The following DEPTOR variants were observed in gnomAD, a reference collection of about 807,000 sequenced individuals.
The protein encoded by DEPTOR is DEP domain-containing mTOR-interacting protein.
In DEPTOR, 41 loss-of-function variants were observed where a neutral mutation model predicts 41.6. The observed-to-expected ratio is 0.98, with a 90% CI of 0.77 to 1.28. DEPTOR has a LOEUF of 1.28. Among genes scored for constraint, DEPTOR ranks in the 50% most tolerant of loss-of-function variants. The pLI, the probability that DEPTOR is intolerant of heterozygous loss-of-function variation, is 0.00. For synonymous variants in DEPTOR, 195 were observed against 192.3 expected (o/e 1.01, Z -0.12); for missense variants, 514 against 527.9 (o/e 0.97, Z 0.26).
intron 7 of DEPTOR, among the ~76,000 whole-genome samples, chr8:120,008,357 G>A (rs1036852934): frequency 3.3e-5 from 5 of 151,854 alleles, no homozygotes; most frequent in Admixed American, 6.6e-5. Context: ...GTGAAACCCT[G>A]TCTCTACTAA....
At chr8:119,994,155 GA>G (rs1182084426) in intron 4 of DEPTOR, among the ~76,000 whole-genome samples, 8 of 148,776 alleles carry the variant, frequency 5.4e-5, no homozygotes, top group Admixed American at 2.0e-4. Flanking sequence ...AAAAGAAAAA[GA>G]AAAAAAAAAT....
intron 3 of DEPTOR, among the ~76,000 whole-genome samples, chr8:119,936,088 T>C (rs1011500729): frequency 6.6e-6 from 1 of 151,142 alleles, no homozygotes; most frequent in Non-Finnish European, 1.5e-5. Flanking sequence ...CTCTTTATCC[T>C]GCTTAGGAGT....
chr8:119,939,463 A>T (rs966210444), intron 3 of DEPTOR, among the ~76,000 whole-genome samples: 1 of 152,190 alleles, frequency 6.6e-6, no homozygotes, highest in African/African-American at 2.4e-5. Flanking sequence ...AAGTGGTGGG[A>T]GGCAACCTCT....
At chr8:119,988,137 G>T (rs1209921100) in intron 4 of DEPTOR, among the ~76,000 whole-genome samples, 2 of 152,156 alleles carry the variant, frequency 1.3e-5, no homozygotes, top group Admixed American at 6.5e-5. Context: ...AAACCCTGGT[G>T]GTGTAGGCAC....
At chr8:119,918,919 T>C (rs1827853384) in intron 1 of DEPTOR, among the ~76,000 whole-genome samples, 2 of 148,822 alleles carry the variant, frequency 1.3e-5, no homozygotes, top group Admixed American at 1.3e-4. Flanking sequence ...AAGTGGTTAC[T>C]GCAGCTATTT....
At chr8:119,985,878 T>G (rs1407117244) in intron 4 of DEPTOR, among the ~76,000 whole-genome samples, 1 of 130,152 alleles carries the variant, frequency 7.7e-6, no homozygotes, top group African/African-American at 2.8e-5. Context: ...TCCATTTGCT[T>G]GGTAAATATT....
chr8:119,892,010 G>GT (rs1205262961), intron 1 of DEPTOR, among the ~76,000 whole-genome samples: 1 of 151,852 alleles, frequency 6.6e-6, no homozygotes, highest in South Asian at 2.1e-4. Flanking sequence ...GTTTTGTTTT[G>GT]TTTTTTGAGA....
intron 8 of DEPTOR, among the ~76,000 whole-genome samples, chr8:120,046,013 C>T (rs1185063819): frequency 6.6e-6 from 1 of 152,148 alleles, no homozygotes; most frequent in East Asian, 1.9e-4. Flanking sequence ...TCTGAGGCCT[C>T]CAAGAGCTCT....
At chr8:120,025,891 A>G (rs1812789084) in intron 8 of DEPTOR, among the ~76,000 whole-genome samples, 1 of 151,814 alleles carries the variant, frequency 6.6e-6, no homozygotes, top group Non-Finnish European at 1.5e-5. Context: ...CCTTGGCCCA[A>G]ACGGTCCTAC....
intron 1 of DEPTOR, among the ~76,000 whole-genome samples, chr8:119,916,684 A>T (rs1827819497): frequency 6.6e-6 from 1 of 152,202 alleles, no homozygotes; most frequent in Non-Finnish European, 1.5e-5. Flanking sequence ...GGTTCAGTAC[A>T]TGCAAAATCA....
intron 1 of DEPTOR, 55 bp downstream of exon 1, chr8:119,874,023 G>A: frequency 6.2e-7 from 1 of 1,605,760 alleles, no homozygotes; most frequent in Non-Finnish European, 8.5e-7. Flanking sequence ...ACGCGTGCCC[G>A]CTGCAGTCCT....
At chr8:120,010,065 A>C (rs777124416) in intron 8 of DEPTOR, among the ~76,000 whole-genome samples, 17 of 152,136 alleles carry the variant, frequency 1.1e-4, no homozygotes, top group Non-Finnish European at 1.9e-4. Context: ...AAAACCATGA[A>C]CTTTGGCAGA....
chr8:119,874,196 G>T, intron 1 of DEPTOR: 2 of 624,288 alleles, frequency 3.2e-6, no homozygotes, highest in Admixed American at 3.9e-5. Flanking sequence ...CCGACGAGCG[G>T]GTGGTGCGCG....
At chr8:119,937,783 C>T (rs931283574) in intron 3 of DEPTOR, among the ~76,000 whole-genome samples, 2 of 152,264 alleles carry the variant, frequency 1.3e-5, no homozygotes, top group Admixed American at 6.5e-5. Flanking sequence ...AATCAATTCC[C>T]AAGCCATAGT....
chr8:119,979,197 TAG>T (rs1586642028), intron 4 of DEPTOR, among the ~76,000 whole-genome samples: 1 of 152,224 alleles, frequency 6.6e-6, no homozygotes, highest in African/African-American at 2.4e-5. Flanking sequence ...AGTTTTGATT[TAG>T]AGAGTAATGT....
chr8:119,941,016 G>C (rs983962849), intron 3 of DEPTOR, among the ~76,000 whole-genome samples: 4 of 152,084 alleles, frequency 2.6e-5, no homozygotes, highest in Non-Finnish European at 5.9e-5. Flanking sequence ...AAAAGTTGTG[G>C]AGAGGGATGG....
chr8:119,964,444 G>A (rs1444918975), intron 3 of DEPTOR, among the ~76,000 whole-genome samples: 1 of 150,456 alleles, frequency 6.6e-6, no homozygotes, highest in African/African-American at 2.5e-5. Flanking sequence ...GAACCCAGGA[G>A]GTGGAGGTTG....
intron 4 of DEPTOR, among the ~76,000 whole-genome samples, chr8:119,989,000 C>G (rs1003117528): frequency 1.7e-4 from 20 of 119,454 alleles, no homozygotes; most frequent in Middle Eastern, 0.014. Flanking sequence ...GGGGCTTTAC[C>G]ATGTTGCCCA....
At chr8:119,944,586 A>G (rs904152382) in intron 3 of DEPTOR, among the ~76,000 whole-genome samples, 1 of 151,914 alleles carries the variant, frequency 6.6e-6, no homozygotes, top group African/African-American at 2.4e-5. Context: ...GTATACGTAC[A>G]TAGCATATGC....
Sources: allele counts gnomAD v4.1 joint callset (sites outside exome capture counted in the v4.1 genomes callset), GRCh38; gene constraint gnomAD v4.1.1; transcripts MANE v1.5; gene names NCBI Gene and HGNC (gene_info 2026-07-23, HGNC 2026-07-21).